Variants in ZBTB10 observed in about 807,000 individuals in gnomAD.
ZBTB10 encodes the protein zinc finger and BTB domain-containing protein 10.
In ZBTB10, 32 loss-of-function variants were observed where a neutral mutation model predicts 76.4. That is an observed-to-expected ratio of 0.42 (90% CI 0.32 to 0.56). ZBTB10 has a LOEUF of 0.56. Among genes scored for constraint, ZBTB10 ranks in the 20% least tolerant of loss-of-function variants. ZBTB10 has a pLI of 0.14. For missense variants in ZBTB10, 1,057 were observed against 1,098.5 expected (o/e 0.96, Z 0.53); for synonymous variants, 523 against 432.9 (o/e 1.21, Z -2.58).
intron 1 of ZBTB10, among the ~76,000 whole-genome samples, chr8:80,488,376 ATC>A (rs1282512905): frequency 1.3e-5 from 2 of 152,326 alleles, no homozygotes; most frequent in East Asian, 3.9e-4. Context: ...TACTAAATTA[ATC>A]TCTGTTGAAC....
chr8:80,509,953 C>A (rs1816149117), intron 2 of ZBTB10, among the ~76,000 whole-genome samples: 1 of 151,946 alleles, frequency 6.6e-6, no homozygotes, highest in Non-Finnish European at 1.5e-5. Context: ...ACCCGTCCTT[C>A]CATGAATAGT....
At chr8:80,493,181 C>T (rs549192969) in intron 1 of ZBTB10, among the ~76,000 whole-genome samples, 1 of 147,818 alleles carries the variant, frequency 6.8e-6, no homozygotes, top group Non-Finnish European at 1.5e-5. Context: ...ACAAGCAAGA[C>T]TGTGCCTCAA....
In ZBTB10 at chr8:80,511,194, T is replaced by C. The variant is rs7842262; in HGVS notation, c.1862-2716T>C. Among the ~76,000 whole-genome samples, 237 of 152,336 alleles carry C rather than the reference T, an allele frequency of 1.6e-3. 1 individual carries two copies. Among genetic ancestry groups the C allele is most frequent in the African/African-American group, 5.3e-3 (221 of 41,566 alleles). ...AGACACAAGACAAATATACTTGATA[T>C]TTATTTTGTAAGGTTTTGGCTGAGG... On this transcript the variant is annotated intron_variant, in intron 2 of 5. Coordinates refer to ENST00000455036, the MANE Select transcript of ZBTB10 (RefSeq NM_001105539.3).
intron 1 of ZBTB10, among the ~76,000 whole-genome samples, chr8:80,493,193 A>ATGCGCGCGCGCGCG (rs1491520799): frequency 1.3e-4 from 16 of 124,430 alleles, no homozygotes; most frequent in African/African-American, 4.9e-4. Flanking sequence ...GTGCCTCAAA[A>ATGCGCGCGCGCGCG]CGCGCGCGCG....
rs1816441532 is a variant in ZBTB10 at position 80,521,187 on chromosome 8, T to G, written c.*1659T>G. The G allele has an allele frequency of 6.6e-6, 1 of 151,868 alleles. No homozygotes were observed. The highest frequency in any genetic ancestry group is 2.1e-4 in the South Asian group (1 of 4,832). 9.4% of individuals were successfully genotyped at this position (151,868 alleles called of 1,614,324 possible). On this transcript the variant is annotated 3_prime_UTR_variant, in exon 6 of 6. Transcript: ENST00000455036. ...TATTGTTAGACAATGATGTTTCTGC[T>G]TGGATAAATCAAAGATAAATTACAG...
intron 1 of ZBTB10, among the ~76,000 whole-genome samples, chr8:80,495,539 C>CA (rs917528604): frequency 1.3e-5 from 2 of 151,594 alleles, no homozygotes; most frequent in Non-Finnish European, 2.9e-5. Flanking sequence ...ACTTTAAAAA[C>CA]AAAAAACTGG....
intron 2 of ZBTB10, among the ~76,000 whole-genome samples, chr8:80,513,108 T>C (rs1816239524): frequency 6.6e-6 from 1 of 152,158 alleles, no homozygotes; most frequent in Non-Finnish European, 1.5e-5. Flanking sequence ...ACTCCCATGG[T>C]TTTATTTGCC....
Position 80,518,518 on chromosome 8 carries a change from A to C in ZBTB10, c.2076A>C (p.Ser692=). Residue 692 remains serine (S), a synonymous_variant, in exon 4 of 6, where the codon TCA becomes TCC. Coordinates refer to ENST00000455036, the MANE Select transcript of ZBTB10 (RefSeq NM_001105539.3). ...AGTATGGATTGATACCAGGTGCTTC[A>C]AATGATTTCAAGTATGGATTATTGC... ...DFKYGLIPGA[S]NDFKYGLLPE... is the part of the protein sequence containing the mutation. 1 of 1,553,380 alleles carries C rather than the reference A, an allele frequency of 6.4e-7. No homozygotes were observed. Among genetic ancestry groups the C allele is most frequent in the Middle Eastern group, 1.8e-4 (1 of 5,506 alleles).
At chr8:80,486,105 CCCCCA>C (rs1214625868), upstream of ZBTB10, 16 of 465,248 alleles carry the variant, frequency 3.4e-5, no homozygotes, top group African/African-American at 1.1e-4. Context: ...TCCCCTGGCG[CCCCCA>C]CCCCACCCCA....
At chr8:80,515,574 A>T (rs1816307473) in intron 3 of ZBTB10, among the ~76,000 whole-genome samples, 1 of 152,184 alleles carries the variant, frequency 6.6e-6, no homozygotes, top group Non-Finnish European at 1.5e-5. Context: ...ATGTTACTGC[A>T]CTTGCTTTCT....
chr8:80,487,418 G>T lies in ZBTB10; in HGVS notation c.608G>T (p.Ser203Ile). The change falls in exon 1 of 6, where the codon AGC (serine) becomes ATC (isoleucine). Residue 203 changes from serine to isoleucine, a missense_variant. By Grantham distance (142) the Ser-to-Ile change is moderately radical. Coordinates refer to ENST00000455036, the MANE Select transcript of ZBTB10 (RefSeq NM_001105539.3). ...LGDGSGAEGG[S>I]CSSSRRSGGD... is the part of the protein sequence containing the mutation. ...GACGGCAGCGGGGCGGAAGGCGGCA[G>T]CTGCAGCAGCAGCAGGCGGTCGGGC... The T allele has an allele frequency of 6.5e-7, 1 of 1,541,798 alleles. No individual in the cohort carries two copies. The highest frequency in any genetic ancestry group is 1.2e-5 in the South Asian group (1 of 82,844).
intron 1 of ZBTB10, among the ~76,000 whole-genome samples, chr8:80,493,257 G>A (rs896995220): frequency 6.7e-6 from 1 of 148,296 alleles, no homozygotes; most frequent in Non-Finnish European, 1.5e-5. Flanking sequence ...CCTGAGGAAA[G>A]TGAAGAATGG....
At chr8:80,508,033 G>C (rs1816102950) in intron 2 of ZBTB10, among the ~76,000 whole-genome samples, 1 of 152,220 alleles carries the variant, frequency 6.6e-6, no homozygotes, top group South Asian at 2.1e-4. Context: ...GTCTGCCACT[G>C]TTTCCCCTTT....
chr8:80,487,185 C>A lies in ZBTB10; in HGVS notation c.375C>A (p.Phe125Leu). ...LAERNRRTLA[F>L]RGGGGGGLGN... ...AAAGGAACCGTCGGACTCTGGCCTT[C>A]CGAGGCGGCGGCGGCGGGGGTCTCG... The change falls in exon 1 of 6, where the codon TTC becomes TTA. Residue 125 changes from phenylalanine to leucine, a missense_variant. This residue lies in a region of ZBTB10 where 556 missense variants were observed against 451.7 expected (regional missense o/e 1.23). Transcript: ENST00000455036. The A allele has an allele frequency of 6.5e-7, 1 of 1,537,350 alleles. No homozygotes were observed. The highest frequency in any genetic ancestry group is 8.7e-7 in the Non-Finnish European group (1 of 1,143,776).
intron 2 of ZBTB10, among the ~76,000 whole-genome samples, chr8:80,510,824 CT>C (rs1380811821): frequency 1.4e-4 from 22 of 152,122 alleles, no homozygotes; most frequent in African/African-American, 5.3e-4. Flanking sequence ...TAGGAAGATG[CT>C]GGATATCACA....
At chr8:80,496,281 A>G (rs1034755677) in intron 1 of ZBTB10, among the ~76,000 whole-genome samples, 2 of 151,904 alleles carry the variant, frequency 1.3e-5, no homozygotes, top group Non-Finnish European at 2.9e-5. Context: ...CTTTAACCCA[A>G]ATCCTCTAAT....
At position 80,495,135 on chromosome 8, in the gene ZBTB10, C is replaced by CTT. The variant is rs368299745; in HGVS notation, c.973-4345_973-4344dup. Among the ~76,000 whole-genome samples, 298 of 140,518 alleles carry CTT rather than the reference C, an allele frequency of 2.1e-3. 3 individuals carry two copies. Among genetic ancestry groups the CTT allele is most frequent in the East Asian group, 5.4e-3 (26 of 4,816 alleles). The allele number at this position is 140,518 out of a possible 152,430, so 92.2% of individuals were successfully genotyped here. The stretch of plus-strand genomic sequence containing the variant: ...GAAGGGGATTCAAATCTCTCTCTCT[C>CTT]TTTTTTTTTTTTTTTAAGGAGATAG... On this transcript the variant is annotated intron_variant, in intron 1 of 5. Coordinates refer to ENST00000455036, the MANE Select transcript of ZBTB10 (RefSeq NM_001105539.3).
intron 1 of ZBTB10, among the ~76,000 whole-genome samples, chr8:80,495,135 C>CTCTCT (rs1554551528): frequency 1.0e-4 from 14 of 140,528 alleles, no homozygotes; most frequent in African/African-American, 3.7e-4. Flanking sequence ...CTCTCTCTCT[C>CTCTCT]TTTTTTTTTT....
intron 1 of ZBTB10, among the ~76,000 whole-genome samples, chr8:80,496,247 T>G (rs1815778855): frequency 6.6e-6 from 1 of 152,186 alleles, no homozygotes; most frequent in Non-Finnish European, 1.5e-5. Context: ...GCAGTTTATT[T>G]TAGTGCTTTG....
Sources: gnomAD v4.1 joint callset for allele counts (sites outside exome capture counted in the v4.1 genomes callset) on GRCh38, gnomAD v4.1.1 for gene constraint, gnomAD v4.1.1 regional missense constraint, MANE v1.5 for transcripts, NCBI Gene and HGNC (gene_info 2026-07-23, HGNC 2026-07-21) for gene names.